Variants in PRR33 observed in about 807,000 individuals in gnomAD.
PRR33 encodes the protein proline-rich protein 33.
In PRR33, 1 loss-of-function variant was observed where a neutral mutation model predicts 0.5. That is an observed-to-expected ratio of 2.18 (90% CI 0.77 to 10.34). The LOEUF is 10.34. Among genes scored for constraint, PRR33 ranks in the 30% most tolerant of loss-of-function variants. The pLI, the probability that PRR33 is intolerant of heterozygous loss-of-function variation, is 0.13. For missense variants in PRR33, 552 were observed against 251.8 expected, an observed-to-expected ratio of 2.19 and a Z score of -8.07; for synonymous variants, 226 against 110.0, an observed-to-expected ratio of 2.06 and a Z score of -6.60.
chr11:1,897,892 T>A, the PRR33 span, among the ~76,000 whole-genome samples: 5 of 152,124 alleles, frequency 3.3e-5, no homozygotes, highest in African/African-American at 4.8e-5. The surrounding 1 kb of genome is among the most constrained non-coding windows in gnomAD (Gnocchi z 4.0). Flanking sequence ...ATCAGGAAGA[T>A]CATATTTAAT....
chr11:1,912,472 T>C, the PRR33 span, among the ~76,000 whole-genome samples: 6 of 152,202 alleles, frequency 3.9e-5, no homozygotes. Flanking sequence ...TTCACCACAA[T>C]GTCATCTCTG....
At chr11:1,900,152 G>A in the PRR33 span, among the ~76,000 whole-genome samples, 4 of 152,024 alleles carry the variant, frequency 2.6e-5, no homozygotes, top group African/African-American at 9.7e-5. Context: ...AGGACCAGGT[G>A]GCCATCTTGG....
upstream of PRR33, among the ~76,000 whole-genome samples, chr11:1,894,550 A>G (rs1217908908): frequency 6.6e-6 from 1 of 152,080 alleles, no homozygotes; most frequent in East Asian, 1.9e-4. Flanking sequence ...GTGCTTTTTT[A>G]CAGTGTTACA....
At chr11:1,911,978 T>C in the PRR33 span, among the ~76,000 whole-genome samples, 1 of 118,670 alleles carries the variant, frequency 8.4e-6, no homozygotes, top group African/African-American at 3.3e-5. Context: ...CTGAGCAAGA[T>C]AGTGAGTGAG....
the PRR33 span, among the ~76,000 whole-genome samples, chr11:1,902,231 C>CAAA: frequency 1.2e-3 from 154 of 126,862 alleles, no homozygotes; most frequent in African/African-American, 4.0e-3. Flanking sequence ...GACTCTATCT[C>CAAA]AAAAAAAAAA....
chr11:1,890,283 GGGCGTGGGGCTTCAGGAA>G (rs1565091811), exon 1 of PRR33: 7 of 712,434 alleles, frequency 9.8e-6, no homozygotes, highest in South Asian at 3.0e-5. Flanking sequence ...AGCCTCGGCG[GGGCGTGGGGCTTCAGGAA>G]GGCGTGGGGC....
the PRR33 span, among the ~76,000 whole-genome samples, chr11:1,916,932 G>A: frequency 6.6e-6 from 1 of 152,226 alleles, no homozygotes; most frequent in East Asian, 1.9e-4. Flanking sequence ...GGCAGATGAA[G>A]CCCCTAGCCT....
At chr11:1,894,436 A>C (rs939263290), upstream of PRR33, among the ~76,000 whole-genome samples, 4 of 151,918 alleles carry the variant, frequency 2.6e-5, no homozygotes, top group African/African-American at 9.7e-5. Flanking sequence ...AGGTCTTGCT[A>C]TGTTGCCCAG....
At chr11:1,889,634 G>T (rs2133141913) in exon 1 of PRR33, 1 of 616,328 alleles carries the variant, frequency 1.6e-6, no homozygotes, top group Non-Finnish European at 3.0e-6. Context: ...GTGGGGTAGG[G>T]GATGAGGCCC....
the PRR33 span, among the ~76,000 whole-genome samples, chr11:1,915,387 C>CTGTG: frequency 7.0e-6 from 1 of 143,760 alleles, no homozygotes; most frequent in East Asian, 2.2e-4. Flanking sequence ...GATGATGTTT[C>CTGTG]TGTGTGTGTG....
the PRR33 span, among the ~76,000 whole-genome samples, chr11:1,904,915 A>G: frequency 6.6e-6 from 1 of 151,770 alleles, no homozygotes; most frequent in African/African-American, 2.4e-5. Context: ...CTTCCCCATC[A>G]AGTTGGCTAA....
exon 1 of PRR33, chr11:1,889,873 C>A: frequency 3.2e-6 from 2 of 630,794 alleles, no homozygotes; most frequent in South Asian, 3.7e-5. Context: ...AAGGGACTGG[C>A]AGCCTGGACT....
At chr11:1,891,643 T>C (rs1589838103) in exon 1 of PRR33, 1 of 153,554 alleles carries the variant, frequency 6.5e-6, no homozygotes, top group Non-Finnish European at 1.4e-5. Context: ...GGAGTGGGGG[T>C]GTGGGCAGGG....
chr11:1,899,486 G>C, the PRR33 span, among the ~76,000 whole-genome samples: 2 of 152,188 alleles, frequency 1.3e-5, no homozygotes, highest in Non-Finnish European at 1.5e-5. Flanking sequence ...TAGGCATAAT[G>C]CATTAAGGCC....
upstream of PRR33, among the ~76,000 whole-genome samples, chr11:1,893,647 G>T (rs370203573): frequency 3.4e-5 from 5 of 146,712 alleles, no homozygotes; most frequent in African/African-American, 1.3e-4. Context: ...TGGAAGGAGC[G>T]ATAAATGAAG....
At chr11:1,906,393 G>T in the PRR33 span, among the ~76,000 whole-genome samples, 1 of 152,180 alleles carries the variant, frequency 6.6e-6, no homozygotes, top group Non-Finnish European at 1.5e-5. Context: ...ACGTCCCACA[G>T]TTGGCTCTGA....
At chr11:1,905,122 C>CTT in the PRR33 span, among the ~76,000 whole-genome samples, 1,761 of 96,538 alleles carry the variant, frequency 0.018, 73 homozygotes, top group Non-Finnish European at 0.024. Flanking sequence ...CTTGAGAATT[C>CTT]TTTTTTTTTT....
At chr11:1,899,118 T>C in the PRR33 span, among the ~76,000 whole-genome samples, 1 of 151,936 alleles carries the variant, frequency 6.6e-6, no homozygotes, top group African/African-American at 2.4e-5. Flanking sequence ...ACCCCATGAG[T>C]GCACATAAGA....
At chr11:1,900,172 T>A in the PRR33 span, among the ~76,000 whole-genome samples, 1 of 152,172 alleles carries the variant, frequency 6.6e-6, no homozygotes, top group Non-Finnish European at 1.5e-5. Flanking sequence ...GCTGTCCATG[T>A]GTCCATGCTT....
Sources: gnomAD v4.1 joint callset for allele counts (sites outside exome capture counted in the v4.1 genomes callset) on GRCh38, gnomAD v4.1.1 for gene constraint, Gnocchi (gnomAD v3.1) non-coding constraint, MANE v1.5 for transcripts, NCBI Gene and HGNC (gene_info 2026-07-23, HGNC 2026-07-21) for gene names.